GPC5: variants seen among roughly 807,000 people sequenced by gnomAD.
The protein encoded by GPC5 is glypican-5.
A neutral mutation model predicts 53.9 loss-of-function variants in GPC5; 47 were observed. The ratio of observed to expected loss-of-function variants is 0.87; its 90% confidence interval spans 0.69 to 1.11. The LOEUF (loss-of-function observed/expected upper bound fraction) is 1.11, where lower values mean the gene tolerates loss of function less well. Ranked by LOEUF, GPC5 falls within the 50% of genes most tolerant of loss-of-function variation. GPC5 has a pLI of 0.00. For missense variants in GPC5, 748 were observed against 713.1 expected (o/e 1.05, Z -0.56); for synonymous variants, 286 against 263.3 (o/e 1.09, Z -0.84).
chr13:91,615,530 A>G (rs577150374), intron 2 of GPC5, among the ~76,000 whole-genome samples: 2 of 152,328 alleles, frequency 1.3e-5, no homozygotes, highest in East Asian at 3.9e-4. Flanking sequence ...GTACTGAAGA[A>G]CTAACAGAAG....
chr13:92,324,467 T>A (rs950777051), intron 7 of GPC5, among the ~76,000 whole-genome samples: 1 of 151,964 alleles, frequency 6.6e-6, no homozygotes, highest in African/African-American at 2.4e-5. Context: ...ATGTTTGCTG[T>A]AGGCCAACAT....
chr13:92,532,454 T>G (rs1215437599), intron 7 of GPC5, among the ~76,000 whole-genome samples: 1 of 152,216 alleles, frequency 6.6e-6, no homozygotes, highest in Non-Finnish European at 1.5e-5. Flanking sequence ...TGTAAGTGGC[T>G]TATAATTTAT....
intron 6 of GPC5, among the ~76,000 whole-genome samples, chr13:91,970,880 C>G (rs547279976): frequency 0.019 from 2,834 of 152,148 alleles, 88 homozygotes; most frequent in African/African-American, 0.065. Flanking sequence ...GTATTTTATT[C>G]AGGATTTTTG....
intron 2 of GPC5, among the ~76,000 whole-genome samples, chr13:91,676,243 G>C (rs1276256927): frequency 1.3e-5 from 2 of 152,062 alleles, no homozygotes; most frequent in African/African-American, 4.8e-5. Flanking sequence ...ACTAATTTTT[G>C]TATTTTTAGT....
chr13:91,861,440 G>A (rs573929345), intron 5 of GPC5, among the ~76,000 whole-genome samples: 2 of 151,894 alleles, frequency 1.3e-5, no homozygotes, highest in African/African-American at 4.8e-5. Flanking sequence ...CTCATGAATT[G>A]GTTATTTCAT....
At position 92,144,012 on chromosome 13, in the gene GPC5, G is replaced by A. The variant is rs140232202; in HGVS notation, c.1402-818G>A. Among the ~76,000 whole-genome samples, 280 of 152,112 alleles carry A rather than the reference G, an allele frequency of 1.8e-3. 3 individuals carry two copies. Among genetic ancestry groups the A allele is most frequent in the African/African-American group, 6.4e-3 (267 of 41,502 alleles). ...TGTGCTCTCCAAAACCACCTTAGAG[G>A]GGTAAATGTAACATACTGCATTGGA... On this transcript the variant is annotated intron_variant, in intron 6 of 7. Transcript: ENST00000377067.
chr13:92,128,946 G>A (rs2041721850), intron 6 of GPC5, among the ~76,000 whole-genome samples: 1 of 152,114 alleles, frequency 6.6e-6, no homozygotes, highest in Non-Finnish European at 1.5e-5. Flanking sequence ...CTGGGTGACA[G>A]AGTGAGACTC....
intron 7 of GPC5, among the ~76,000 whole-genome samples, chr13:92,182,881 A>AC (rs2139037801): frequency 6.9e-6 from 1 of 144,098 alleles, no homozygotes; most frequent in East Asian, 3.2e-4. Context: ...AAAAAGAAAA[A>AC]AAAAAAAAAG....
chr13:92,350,022 A>C (rs1289558162), intron 7 of GPC5, among the ~76,000 whole-genome samples: 1 of 152,208 alleles, frequency 6.6e-6, no homozygotes, highest in Non-Finnish European at 1.5e-5. Flanking sequence ...AACACATTAA[A>C]GGGATCATCC....
intron 5 of GPC5, among the ~76,000 whole-genome samples, chr13:91,795,217 C>T (rs2038027898): frequency 6.6e-6 from 1 of 152,110 alleles, no homozygotes; most frequent in South Asian, 2.1e-4. Context: ...ACTGTTGATA[C>T]ATCTTGAAAT....
intron 6 of GPC5, among the ~76,000 whole-genome samples, chr13:92,114,073 G>A (rs2041580318): frequency 6.6e-6 from 1 of 152,178 alleles, no homozygotes; most frequent in Non-Finnish European, 1.5e-5. Flanking sequence ...GCTCCTTTAT[G>A]TCAAGTAGCC....
At chr13:92,025,305 A>G (rs1242494370) in intron 6 of GPC5, among the ~76,000 whole-genome samples, 1 of 152,150 alleles carries the variant, frequency 6.6e-6, no homozygotes, top group Non-Finnish European at 1.5e-5. Context: ...TTTTAAAGTG[A>G]TTCTTTTTTT....
chr13:92,482,784 A>G (rs1271202109), intron 7 of GPC5, among the ~76,000 whole-genome samples: 1 of 152,182 alleles, frequency 6.6e-6, no homozygotes, highest in Non-Finnish European at 1.5e-5. Flanking sequence ...CATCCTTAAG[A>G]ACATTCTAAA....
At chr13:92,740,356 A>C (rs1338345090) in intron 7 of GPC5, among the ~76,000 whole-genome samples, 1 of 152,118 alleles carries the variant, frequency 6.6e-6, no homozygotes, top group Non-Finnish European at 1.5e-5. Flanking sequence ...AATAAATATT[A>C]AATAGCTGTT....
chr13:92,695,433 T>A (rs766565306), intron 7 of GPC5, among the ~76,000 whole-genome samples: 1 of 152,200 alleles, frequency 6.6e-6, no homozygotes, highest in African/African-American at 2.4e-5. Context: ...TTGTGTTTAT[T>A]TGATTAGCCT....
intron 4 of GPC5, among the ~76,000 whole-genome samples, chr13:91,754,738 C>G (rs375485414): frequency 6.6e-6 from 1 of 152,098 alleles, no homozygotes; most frequent in Non-Finnish European, 1.5e-5. Flanking sequence ...TTTGTTCATG[C>G]ATTACAATTA....
chr13:92,637,061 C>A (rs1377457533), intron 7 of GPC5, among the ~76,000 whole-genome samples: 2 of 152,146 alleles, frequency 1.3e-5, no homozygotes, highest in Admixed American at 6.6e-5. Context: ...CCATGACCAC[C>A]TCCCCACTCT....
At chr13:92,310,790 T>A (rs1054877542) in intron 7 of GPC5, among the ~76,000 whole-genome samples, 2 of 152,198 alleles carry the variant, frequency 1.3e-5, no homozygotes, top group African/African-American at 4.8e-5. Flanking sequence ...TAAAAACTGT[T>A]TAACTTACAC....
At chr13:92,053,135 G>C (rs989203273) in intron 6 of GPC5, among the ~76,000 whole-genome samples, 1 of 152,138 alleles carries the variant, frequency 6.6e-6, no homozygotes, top group Non-Finnish European at 1.5e-5. Flanking sequence ...ACTCAACACA[G>C]AAGCTGTGGT....
Sources: gnomAD v4.1 joint callset for allele counts (sites outside exome capture counted in the v4.1 genomes callset) on GRCh38, gnomAD v4.1.1 for gene constraint, MANE v1.5 for transcripts, NCBI Gene and HGNC (gene_info 2026-07-23, HGNC 2026-07-21) for gene names.